MB21D2: variants seen among roughly 807,000 people sequenced by gnomAD.
MB21D2 encodes the protein nucleotidyltransferase MB21D2.
In MB21D2, 9 loss-of-function variants were observed where a neutral mutation model predicts 33.3. The ratio of observed to expected loss-of-function variants is 0.27; its 90% CI spans 0.16 to 0.47. MB21D2 has a LOEUF of 0.47. Among genes scored for constraint, MB21D2 ranks in the 20% least tolerant of loss-of-function variants. The pLI is 0.99. For synonymous variants in MB21D2, 241 were observed against 236.3 expected (o/e 1.02, Z -0.18); for missense variants, 540 against 624.6 (o/e 0.86, Z 1.44).
intron 1 of MB21D2, among the ~76,000 whole-genome samples, chr3:192,865,979 T>C (rs1401034144): frequency 6.6e-6 from 1 of 151,944 alleles, no homozygotes; most frequent in Non-Finnish European, 1.5e-5. Context: ...GGGGAGGTTG[T>C]TGAGGCTGCA....
intron 1 of MB21D2, among the ~76,000 whole-genome samples, chr3:192,892,525 C>T (rs999215156): frequency 6.6e-6 from 1 of 152,230 alleles, no homozygotes; most frequent in African/African-American, 2.4e-5. Flanking sequence ...ACTGCAACCT[C>T]TGCCTCCCAG....
chr3:192,911,529 T>C (rs576370721), intron 1 of MB21D2, among the ~76,000 whole-genome samples: 1 of 152,308 alleles, frequency 6.6e-6, no homozygotes, highest in Non-Finnish European at 1.5e-5. Context: ...GTTGACATGC[T>C]GAGCAGCTTG....
At chr3:192,802,678 C>G (rs554406924) in intron 1 of MB21D2, among the ~76,000 whole-genome samples, 1 of 152,258 alleles carries the variant, frequency 6.6e-6, no homozygotes, top group African/African-American at 2.4e-5. Flanking sequence ...AAATTGATTT[C>G]TCAGATTCCA....
At position 192,917,743 on chromosome 3, in the gene MB21D2, A is replaced by G. The variant is rs1714501370; in HGVS notation, c.98T>C (p.Val33Ala). 2 of 1,613,870 alleles carry G rather than the reference A, an allele frequency of 1.2e-6. No homozygotes were observed. Among genetic ancestry groups the G allele is most frequent in the Non-Finnish European group, 8.5e-7 (1 of 1,179,990 alleles). Residue 33 changes from valine (V) to alanine (A), a missense_variant, in exon 1 of 2, where the codon GTG becomes GCG. Physicochemically the swap from Val to Ala is moderately conservative, Grantham distance 64 (BLOSUM62 0). Transcript: ENST00000392452. ...PELDFRSGAR[V>A]EELNKLIQEF... The stretch of plus-strand genomic sequence containing the variant: ...TTGGATGAGTTTGTTCAATTCCTCC[A>G]CCCGAGCTCCCGACCTGAAATCCAG...
At chr3:192,888,650 C>A (rs1713784366) in intron 1 of MB21D2, among the ~76,000 whole-genome samples, 1 of 152,088 alleles carries the variant, frequency 6.6e-6, no homozygotes, top group Non-Finnish European at 1.5e-5. Flanking sequence ...TAAGCTCTTA[C>A]CATATGATCA....
chr3:192,859,370 T>C (rs1027110693), intron 1 of MB21D2, among the ~76,000 whole-genome samples: 2 of 151,472 alleles, frequency 1.3e-5, no homozygotes, highest in South Asian at 2.1e-4. Context: ...ACCCCCGACA[T>C]GGTTGCTGCC....
intron 1 of MB21D2, among the ~76,000 whole-genome samples, chr3:192,908,403 T>C (rs1398053680): frequency 2.2e-5 from 3 of 137,728 alleles, no homozygotes; most frequent in Admixed American, 6.8e-5. Flanking sequence ...TTTCTTCTTT[T>C]TTTTTTTTTT....
chr3:192,801,356 T>C (rs1711559226), intron 1 of MB21D2, among the ~76,000 whole-genome samples: 1 of 152,250 alleles, frequency 6.6e-6, no homozygotes, highest in Non-Finnish European at 1.5e-5. Context: ...TAATATTCCA[T>C]TATTCATTAT....
chr3:192,801,792 C>A (rs1455870045), intron 1 of MB21D2, among the ~76,000 whole-genome samples: 1 of 152,190 alleles, frequency 6.6e-6, no homozygotes, highest in Non-Finnish European at 1.5e-5. Context: ...CCTGAATGAA[C>A]TAAGACAATT....
chr3:192,809,419 G>A (rs536777343), intron 1 of MB21D2, among the ~76,000 whole-genome samples: 29 of 152,064 alleles, frequency 1.9e-4, no homozygotes, highest in Non-Finnish European at 3.1e-4. Flanking sequence ...TACAGATAAG[G>A]AAATTAAGAA....
intron 1 of MB21D2, among the ~76,000 whole-genome samples, chr3:192,869,676 A>G (rs1381421569): frequency 6.6e-6 from 1 of 152,170 alleles, no homozygotes; most frequent in Non-Finnish European, 1.5e-5. Flanking sequence ...TCCTCCCCAT[A>G]AAAAGCCACT....
intron 1 of MB21D2, among the ~76,000 whole-genome samples, chr3:192,811,091 T>C (rs1455034048): frequency 6.6e-6 from 1 of 152,170 alleles, no homozygotes; most frequent in Non-Finnish European, 1.5e-5. Context: ...GGGGAGTTAA[T>C]GCAAGAGAAC....
At chr3:192,904,541 T>C (rs909683819) in intron 1 of MB21D2, among the ~76,000 whole-genome samples, 6 of 151,562 alleles carry the variant, frequency 4.0e-5, no homozygotes, top group Non-Finnish European at 5.9e-5. Flanking sequence ...GTTCTTAAAG[T>C]GCGGTCCCTC....
chr3:192,837,212 G>T (rs1173324411), intron 1 of MB21D2, among the ~76,000 whole-genome samples: 1 of 152,194 alleles, frequency 6.6e-6, no homozygotes, highest in Non-Finnish European at 1.5e-5. Flanking sequence ...TCCCGAGAGA[G>T]CTCTCCATTG....
intron 1 of MB21D2, among the ~76,000 whole-genome samples, chr3:192,897,256 C>T (rs911809296): frequency 2.0e-5 from 3 of 152,170 alleles, no homozygotes; most frequent in East Asian, 1.9e-4. Flanking sequence ...ACAAACAGAA[C>T]GGTTGCATAG....
chr3:192,855,779 T>C (rs576839516), intron 1 of MB21D2, among the ~76,000 whole-genome samples: 5 of 152,304 alleles, frequency 3.3e-5, no homozygotes, highest in Non-Finnish European at 7.3e-5. Flanking sequence ...AAAGAAGTTA[T>C]AAAGCAAGAC....
intron 1 of MB21D2, among the ~76,000 whole-genome samples, chr3:192,836,471 T>A (rs1712441723): frequency 6.6e-6 from 1 of 152,176 alleles, no homozygotes; most frequent in African/African-American, 2.4e-5. Flanking sequence ...GTGATTAAAT[T>A]AAAATGAGGC....
intron 1 of MB21D2, among the ~76,000 whole-genome samples, chr3:192,900,307 A>AAAAAAAAG (rs1560255280): frequency 7.0e-6 from 1 of 143,106 alleles, no homozygotes; most frequent in Non-Finnish European, 1.5e-5. Flanking sequence ...AAAAAAAAAA[A>AAAAAAAAG]ATCACAGAAA....
intron 1 of MB21D2, among the ~76,000 whole-genome samples, chr3:192,899,511 A>C (rs1193942797): frequency 1.3e-5 from 2 of 152,182 alleles, no homozygotes; most frequent in Non-Finnish European, 2.9e-5. Flanking sequence ...CCTGGGTGAC[A>C]GAGCAAGACT....
Sources: allele counts gnomAD v4.1 joint callset (sites outside exome capture counted in the v4.1 genomes callset), GRCh38; gene constraint gnomAD v4.1.1; transcripts MANE v1.5; gene names NCBI Gene and HGNC (gene_info 2026-07-23, HGNC 2026-07-21).